Variants in ATP13A4 observed in about 807,000 individuals in gnomAD.
The protein encoded by ATP13A4 is ATPase 13A4.
ATP13A4 carries 114 observed loss-of-function variants against 142.5 expected under a neutral mutation model. The observed-to-expected ratio is 0.80, with a 90% CI of 0.69 to 0.93. The LOEUF (loss-of-function observed/expected upper bound fraction) is 0.93, where lower values mean the gene tolerates loss of function less well. ATP13A4 is among the 40% of genes least tolerant of loss of function. The probability of loss-of-function intolerance (pLI) is 0.00; values close to 1 mark genes in which losing one functional copy is unlikely to be tolerated. For missense variants in ATP13A4, 1,392 were observed against 1,454.0 expected (o/e 0.96, Z 0.69); for synonymous variants, 488 against 514.8 (o/e 0.95, Z 0.70).
upstream of ATP13A4, among the ~76,000 whole-genome samples, chr3:193,556,335 C>T (rs892221619): frequency 3.3e-5 from 5 of 152,102 alleles, no homozygotes; most frequent in Non-Finnish European, 7.4e-5. Context: ...ACCCAAATAA[C>T]CCTAATGTGA....
At chr3:193,435,868 GA>G (rs1234329425) in intron 23 of ATP13A4, 124 bp from the exon 24 acceptor site, 3 of 844,808 alleles carry the variant, frequency 3.6e-6, no homozygotes, top group Non-Finnish European at 3.9e-6. Flanking sequence ...CTGTCTGTCT[GA>G]AAATGGACAG....
At chr3:193,448,164 C>A in intron 18 of ATP13A4, 42 bp downstream of exon 18, 1 of 1,610,410 alleles carries the variant, frequency 6.2e-7, no homozygotes, top group Non-Finnish European at 8.5e-7. Flanking sequence ...TCTATTTCCA[C>A]ATCAAATTCT....
rs757900375 is a variant in ATP13A4, at chr3:193,465,124, G to A, written c.1277C>T (p.Pro426Leu). ...GGCTTTCCTCACCACCTCCTCTGGA[G>A]GTTCCTGGACGACAGTCATTCTTTA... is the stretch of plus-strand genomic sequence containing the variant. Reference protein sequence around the residue: ...TLCVYVLSGEPPEEVVRKALD... With the variant: ...TLCVYVLSGELPEEVVRKALD... The change falls in exon 12 of 30, where the codon CCT becomes CTT. Residue 426 changes from proline (P) to leucine (L), a missense_variant. By Grantham distance (98) the Pro-to-Leu change is moderately conservative (BLOSUM62 -3). Coordinates refer to ENST00000342695, the MANE Select transcript of ATP13A4 (RefSeq NM_032279.4). 2 of 1,613,764 alleles carry A rather than the reference G, an allele frequency of 1.2e-6. No individual in the cohort carries two copies. The highest frequency in any genetic ancestry group is 1.3e-5 in the African/African-American group (1 of 74,902).
intron 2 of ATP13A4, among the ~76,000 whole-genome samples, chr3:193,561,280 C>G (rs540268940): frequency 6.6e-6 from 1 of 152,322 alleles, no homozygotes; most frequent in East Asian, 1.9e-4. Flanking sequence ...CTGGGATGAC[C>G]CAGGAACTGG....
chr3:193,533,940 T>A (rs1722459619), intron 1 of ATP13A4, among the ~76,000 whole-genome samples: 1 of 152,152 alleles, frequency 6.6e-6, no homozygotes, highest in African/African-American at 2.4e-5. Context: ...CTCCTCTCCA[T>A]CTCTGTGCTC....
At chr3:193,444,639 T>C (rs867929242) in intron 18 of ATP13A4, among the ~76,000 whole-genome samples, 23 of 152,224 alleles carry the variant, frequency 1.5e-4, no homozygotes, top group African/African-American at 5.5e-4. Flanking sequence ...ACATATGTCA[T>C]AGTTATGACG....
At chr3:193,577,562 A>G (rs980466487) in intron 2 of ATP13A4, among the ~76,000 whole-genome samples, 1 of 152,230 alleles carries the variant, frequency 6.6e-6, no homozygotes, top group Non-Finnish European at 1.5e-5. Context: ...TGTATTTTGT[A>G]TTTGTATTAC....
chr3:193,431,820 A>G (rs922448611), intron 25 of ATP13A4, among the ~76,000 whole-genome samples: 14 of 151,788 alleles, frequency 9.2e-5, no homozygotes, highest in African/African-American at 3.4e-4. Flanking sequence ...GTATATTCAA[A>G]CTGTTTTGGG....
At chr3:193,467,521 G>A in intron 9 of ATP13A4, 35 bp from the exon 10 acceptor site, 1 of 1,602,158 alleles carries the variant, frequency 6.2e-7, no homozygotes, top group Non-Finnish European at 8.5e-7. Context: ...TGTGAGGCAG[G>A]ATGGCTTCCC....
At chr3:193,514,643 A>G (rs2108685181) in intron 2 of ATP13A4, 55 bp downstream of exon 2, 3 of 1,609,468 alleles carry the variant, frequency 1.9e-6, no homozygotes, top group Non-Finnish European at 1.7e-6. Flanking sequence ...ATCCCGTAAC[A>G]CATTGTCCAG....
intron 1 of ATP13A4, among the ~76,000 whole-genome samples, chr3:193,546,347 A>G (rs1488186162): frequency 2.0e-5 from 3 of 152,120 alleles, no homozygotes; most frequent in Admixed American, 1.3e-4. Context: ...AGTTACTTAC[A>G]TTCCTTTCCT....
intron 1 of ATP13A4, among the ~76,000 whole-genome samples, chr3:193,550,443 A>G (rs1723488076): frequency 6.6e-6 from 1 of 151,676 alleles, no homozygotes; most frequent in African/African-American, 2.4e-5. Flanking sequence ...AGTAGCTGGG[A>G]CTACAGGTGG....
intron 1 of ATP13A4, among the ~76,000 whole-genome samples, chr3:193,587,230 C>T (rs907828849): frequency 1.3e-5 from 2 of 152,190 alleles, no homozygotes; most frequent in Non-Finnish European, 2.9e-5. Flanking sequence ...AGTCTTTAAT[C>T]TGTATCACTG....
intron 25 of ATP13A4, among the ~76,000 whole-genome samples, chr3:193,423,224 C>CT (rs1715488890): frequency 6.7e-6 from 1 of 149,412 alleles, no homozygotes; most frequent in African/African-American, 2.5e-5. Context: ...AGTAATAAAA[C>CT]TTTTCCAATC....
At chr3:193,522,372 A>G (rs1042743743) in intron 1 of ATP13A4, among the ~76,000 whole-genome samples, 2 of 152,200 alleles carry the variant, frequency 1.3e-5, no homozygotes, top group Non-Finnish European at 2.9e-5. Flanking sequence ...ATTATGTTCC[A>G]GTCACCCTAA....
chr3:193,462,945 G>T, intron 12 of ATP13A4, 122 bp from the exon 13 acceptor site: 1 of 917,506 alleles, frequency 1.1e-6, no homozygotes, highest in Non-Finnish European at 1.7e-6. Flanking sequence ...AGGAGTTTAA[G>T]ACCAGCCTGG....
rs551137694 is a variant in ATP13A4, at chr3:193,418,420, T to C, written c.2843-3670A>G. ...CACAAAGACAACCAAAACAACACTA[T>C]ATTTTGATGAAAATAACTAAACGAG... On this transcript the variant is annotated intron_variant, in intron 25 of 29. Coordinates refer to ENST00000342695, the MANE Select transcript of ATP13A4 (RefSeq NM_032279.4). Among the ~76,000 whole-genome samples, 93 of 149,506 alleles carry C rather than the reference T, an allele frequency of 6.2e-4. 8 individuals are homozygous for C. The highest frequency in any genetic ancestry group is 7.0e-3 in the Middle Eastern group (2 of 286).
At position 193,572,733 on chromosome 3, in the gene ATP13A4, G is replaced by A. The variant is rs115284293; in HGVS notation, n.291+8974C>T. 2.9e-3 allele frequency among the ~76,000 whole-genome samples: 437 copies of A among 152,220 alleles called. 4 individuals are homozygous for A. The highest frequency in any genetic ancestry group is 9.8e-3 in the African/African-American group (407 of 41,530). ...ATATACCCAGAAACTATGCACCGCT[G>A]AGTGGTCCCTGAAGACGTTAGTACA... On this transcript the variant is annotated intron_variant and non_coding_transcript_variant, in intron 2 of 3. Coordinates refer to the ATP13A4 transcript ENST00000489140.
chr3:193,520,184 G>T (rs1012384210), intron 1 of ATP13A4, among the ~76,000 whole-genome samples: 3 of 152,126 alleles, frequency 2.0e-5, no homozygotes, highest in African/African-American at 7.2e-5. Flanking sequence ...GGTGGGAAAG[G>T]GAGGGAGAGA....
Sources: gnomAD v4.1 joint callset for allele counts (sites outside exome capture counted in the v4.1 genomes callset) on GRCh38, gnomAD v4.1.1 for gene constraint, MANE v1.5 for transcripts, NCBI Gene and HGNC (gene_info 2026-07-23, HGNC 2026-07-21) for gene names.